Variants in KLC1 observed in about 807,000 individuals in gnomAD.
KLC1 encodes the protein kinesin 2 60/70kDa.
Under a neutral mutation model 84.2 loss-of-function variants are expected in KLC1, and 30 were observed. The observed-to-expected ratio is 0.36, with a 90% confidence interval of 0.27 to 0.48. KLC1 has a LOEUF of 0.48. Ranked by LOEUF, KLC1 falls within the 20% of genes least tolerant of loss-of-function variation. KLC1 has a pLI of 0.99. For missense variants in KLC1, 499 were observed against 805.4 expected (o/e 0.62, Z 4.60); for synonymous variants, 289 against 293.3 (o/e 0.99, Z 0.15).
chr14:103,680,377 T>G (rs1457109468), intron 13 of KLC1, among the ~76,000 whole-genome samples: 1 of 152,112 alleles, frequency 6.6e-6, no homozygotes, highest in Non-Finnish European at 1.5e-5. Context: ...CACAGTTGGT[T>G]TTTTGAAGTT....
At chr14:103,676,683 CAT>C (rs1382731312) in intron 11 of KLC1, among the ~76,000 whole-genome samples, 12 of 152,280 alleles carry the variant, frequency 7.9e-5, no homozygotes, top group African/African-American at 2.4e-4. Flanking sequence ...GTTTCAGAGA[CAT>C]AGAAAATAGC....
intron 12 of KLC1, 131 bp from the exon 13 acceptor site, chr14:103,679,253 T>C: frequency 8.1e-7 from 1 of 1,241,172 alleles, no homozygotes; most frequent in Non-Finnish European, 1.1e-6. Context: ...AAGGAACCAC[T>C]CTTCCAATGT....
At chr14:103,687,471 T>A (rs2081853286) in intron 14 of KLC1, 1 of 178,854 alleles carries the variant, frequency 5.6e-6, no homozygotes, top group Admixed American at 5.9e-5. Context: ...TTCTGTCACA[T>A]GTTCTAAGAA....
chr14:103,659,785 T>C (rs1334951069), intron 3 of KLC1, among the ~76,000 whole-genome samples: 1 of 152,056 alleles, frequency 6.6e-6, no homozygotes, highest in Non-Finnish European at 1.5e-5. Context: ...CTGTAACAAA[T>C]ACCACGGGCT....
At chr14:103,688,661 CT>C (rs144513179) in intron 14 of KLC1, among the ~76,000 whole-genome samples, 3,228 of 152,224 alleles carry the variant, frequency 0.021, 102 homozygotes, top group African/African-American at 0.074. Flanking sequence ...GGAGACTTCT[CT>C]TCATGGCTGT....
chr14:103,658,014 C>A (rs1022935916), intron 3 of KLC1, among the ~76,000 whole-genome samples: 1 of 152,238 alleles, frequency 6.6e-6, no homozygotes, highest in Non-Finnish European at 1.5e-5. Flanking sequence ...TTCCTTGCCC[C>A]TCTGTAGCTT....
intron 5 of KLC1, among the ~76,000 whole-genome samples, chr14:103,669,298 G>A (rs1470361338): frequency 6.6e-6 from 1 of 151,836 alleles, no homozygotes; most frequent in Non-Finnish European, 1.5e-5. Context: ...AGCCGGGCGT[G>A]GTGACAGATG....
chr14:103,681,608 G>A (rs767344735), intron 13 of KLC1, among the ~76,000 whole-genome samples: 7 of 152,026 alleles, frequency 4.6e-5, no homozygotes, highest in South Asian at 2.1e-4. Context: ...ACAGGTGTGC[G>A]CCACCACACC....
rs2081830092 is a variant in KLC1 at position 103,687,230 on chromosome 14, T to C, written c.1781+19T>C. On this transcript the variant is annotated intron_variant, in intron 14 of 16. Transcript: ENST00000334553. ...ACCCCGGGTAACTATCTCTTCCAGC[T>C]CTCCCGACTCCCTGCACGCCGGCTG... 3 of 1,525,666 alleles carry C rather than the reference T, an allele frequency of 2.0e-6. No individual in the cohort carries two copies. Among genetic ancestry groups the C allele is most frequent in the Middle Eastern group, 2.2e-4 (1 of 4,464 alleles). The allele number at this position is 1,525,666 out of a possible 1,614,324, so 94.5% of individuals were successfully genotyped here.
intron 15 of KLC1, chr14:103,699,798 C>T (rs1003880555): frequency 1.0e-5 from 6 of 596,032 alleles, no homozygotes; most frequent in African/African-American, 1.8e-5. Flanking sequence ...GTTCCCTTGG[C>T]CCCATGTCCT....
intron 15 of KLC1, chr14:103,695,511 C>G: frequency 5.1e-6 from 5 of 985,264 alleles, no homozygotes; most frequent in Non-Finnish European, 6.0e-6. Context: ...GAGGAGGGCT[C>G]CGGAGCTTCC....
intron 1 of KLC1, among the ~76,000 whole-genome samples, chr14:103,632,120 C>T (rs904992010): frequency 2.0e-5 from 3 of 152,074 alleles, no homozygotes; most frequent in African/African-American, 7.2e-5. Flanking sequence ...GTTGGCCGGG[C>T]GTGGTCATGC....
chr14:103,693,958 A>T lies in KLC1; in HGVS notation c.1848+1533A>T. 8.4e-7 allele frequency: 1 copy of T among 1,195,648 alleles called. No individual in the cohort carries two copies. 74.1% of individuals were successfully genotyped at this position (1,195,648 alleles called of 1,614,324 possible). ...ATTTCCTGCCTGCCACCTTTTTGCC[A>T]TGACACCAGACTCTCTTTTAAATTG... On this transcript the variant is annotated intron_variant, in intron 15 of 16. Transcript: ENST00000334553. This position sits in a 1 kb window ranked among gnomAD's most constrained non-coding sequence, Gnocchi z 5.1.
intron 13 of KLC1, chr14:103,685,476 A>T (rs11849022): frequency 8.0e-6 from 10 of 1,243,068 alleles, no homozygotes; most frequent in Non-Finnish European, 1.0e-5. Flanking sequence ...TTTATGCTGG[A>T]CTGGTAGAAG....
Position 103,691,153 on chromosome 14 carries a change from C to G in KLC1, c.1782-1206C>G, listed in dbSNP as rs548920671. Among the ~76,000 whole-genome samples, 99 of 118,372 alleles carry G rather than the reference C, an allele frequency of 8.4e-4. 2 individuals carry two copies. The East Asian group carries it at 0.025, about 30-fold the overall frequency. 77.7% of individuals were successfully genotyped at this position (118,372 alleles called of 152,430 possible). A position where few individuals can be genotyped will look rare whatever the true frequency, so the allele number is the denominator to read the frequency against. On this transcript the variant is annotated intron_variant, in intron 14 of 16. Transcript: ENST00000334553. ...CTCTCTGCTCCCAGATGGTTCCCCC[C>G]ACTTTTTTTTTTTTTTTTTTTCTGA... is the stretch of plus-strand genomic sequence containing the variant.
intron 9 of KLC1, 126 bp from the exon 10 acceptor site, chr14:103,675,426 T>C (rs909529481): frequency 3.0e-5 from 20 of 677,956 alleles, no homozygotes; most frequent in Non-Finnish European, 4.6e-5. Flanking sequence ...TTATTCAAAG[T>C]GCTCCAAAGT....
In KLC1 at chr14:103,695,925, C is replaced by T. The variant is rs144636912; in HGVS notation, c.1848+3500C>T. 3.6e-5 allele frequency: 35 copies of T among 985,400 alleles called. No individual in the cohort carries two copies. The East Asian group carries it at 3.2e-3, about 89-fold the overall frequency. 61.0% of individuals were successfully genotyped at this position (985,400 alleles called of 1,614,324 possible). ...TGAACCCTTCCACCCAATAGAAGTGCGGTGATTTCAGCCATTTCCCATCTG... is the reference window on the plus strand; with the variant it reads ...TGAACCCTTCCACCCAATAGAAGTGTGGTGATTTCAGCCATTTCCCATCTG... On this transcript the variant is annotated intron_variant, in intron 15 of 16. Transcript: ENST00000334553.
chr14:103,700,701 A>G lies in KLC1; in HGVS notation c.1895A>G (p.Gln632Arg), dbSNP rs922641284. The change falls in exon 16 of 17, where the codon CAG (glutamine) becomes CGG (arginine). Residue 632 changes from glutamine (Q) to arginine (R), a missense_variant. Physicochemically the swap from Gln to Arg is conservative, Grantham distance 43. Coordinates refer to ENST00000334553, the MANE Select transcript of KLC1 (RefSeq NM_001394837.1). ...ASFCGKRQQQ[Q>R]WPGRRHR is the part of the protein sequence containing the mutation. ...TTTTGTGGAAAACGACAGCAGCAGCAGTGGCCTGGAAGACGCCACCGCTAA... is the reference window on the plus strand; with the variant it reads ...TTTTGTGGAAAACGACAGCAGCAGCGGTGGCCTGGAAGACGCCACCGCTAA... 1.2e-6 allele frequency: 2 copies of G among 1,604,788 alleles called. No individual in the cohort carries two copies. Among genetic ancestry groups the G allele is most frequent in the African/African-American group, 2.7e-5 (2 of 74,246 alleles).
intron 2 of KLC1, among the ~76,000 whole-genome samples, chr14:103,657,134 C>G (rs2078895864): frequency 6.6e-6 from 1 of 152,176 alleles, no homozygotes; most frequent in Non-Finnish European, 1.5e-5. Context: ...ACTTGCAGCC[C>G]TTCACCAACA....
Sources: allele counts gnomAD v4.1 joint callset (sites outside exome capture counted in the v4.1 genomes callset), GRCh38; gene constraint gnomAD v4.1.1; non-coding constraint Gnocchi (gnomAD v3.1); transcripts MANE v1.5; gene names NCBI Gene and HGNC (gene_info 2026-07-23, HGNC 2026-07-21).